Variants in MYOF observed in about 807,000 individuals in gnomAD.
MYOF encodes myoferlin, also known as fer-1-like 3, myoferlin.
MYOF carries 244 observed loss-of-function variants against 284.2 expected under a neutral mutation model. The observed-to-expected ratio is 0.86, with a 90% CI of 0.77 to 0.95. MYOF has a LOEUF of 0.95. Among genes scored for constraint, MYOF ranks in the 40% least tolerant of loss-of-function variants. MYOF has a pLI of 0.00. For synonymous variants in MYOF, 904 were observed against 919.7 expected (o/e 0.98, Z 0.31); for missense variants, 2,496 against 2,560.6 (o/e 0.97, Z 0.54).
intron 17 of MYOF, among the ~76,000 whole-genome samples, chr10:93,390,777 T>C (rs1055070505): frequency 1.3e-5 from 2 of 151,754 alleles, no homozygotes; most frequent in African/African-American, 4.8e-5. Context: ...GAAAAGGAAG[T>C]TATTTTTAGA....
At position 93,351,406 on chromosome 10, in the gene MYOF, A is replaced by G. The variant is rs55993578; in HGVS notation, c.3822+7T>C. 3,385 of 1,613,936 alleles carry G rather than the reference A, an allele frequency of 2.1e-3. 58 individuals are homozygous for G. The African/African-American group carries it at 0.031, about 15-fold the overall frequency. ...CAGAATACATGAGGAAGAACACAGCAATGTACCTTGCCCCTCAGAATCAGC... is the reference window on the plus strand; with the variant it reads ...CAGAATACATGAGGAAGAACACAGCGATGTACCTTGCCCCTCAGAATCAGC... On this transcript the variant is annotated splice_region_variant and intron_variant, in intron 34 of 53. Transcript: ENST00000359263.
At chr10:93,349,002 C>T (rs116238757) in intron 36 of MYOF, among the ~76,000 whole-genome samples, 65 of 152,204 alleles carry the variant, frequency 4.3e-4, no homozygotes, top group African/African-American at 1.3e-3. Flanking sequence ...GGTTAAAGCA[C>T]GTGACCCTAG....
intron 20 of MYOF, 31 bp downstream of exon 20, chr10:93,381,188 G>A (rs775189427): frequency 1.6e-5 from 25 of 1,611,518 alleles, no homozygotes; most frequent in South Asian, 5.5e-5. Flanking sequence ...CATTGTAAAC[G>A]TGTGGAGAGA....
chr10:93,452,543 T>C (rs1435414708), intron 2 of MYOF, among the ~76,000 whole-genome samples: 1 of 108,894 alleles, frequency 9.2e-6, no homozygotes, highest in African/African-American at 3.7e-5. Context: ...CATCACACAC[T>C]GGGGCCCGTT....
Position 93,306,718 on chromosome 10 carries a change from T to C in MYOF, c.*245A>G. On this transcript the variant is annotated 3_prime_UTR_variant, in exon 54 of 54. Coordinates refer to ENST00000359263, the MANE Select transcript of MYOF (RefSeq NM_013451.4). ...GAACCAGCCACCTTGAAAAATATTT[T>C]GAAAAACATGATTTAAACTTTAGAA... is the stretch of plus-strand genomic sequence containing the variant. 6.5e-6 allele frequency: 3 copies of C among 459,042 alleles called. No homozygotes were observed. Among genetic ancestry groups the C allele is most frequent in the Non-Finnish European group, 7.6e-6 (2 of 263,282 alleles). The allele number at this position is 459,042 out of a possible 1,614,324, so 28.4% of individuals were successfully genotyped here. A position where few individuals can be genotyped will look rare whatever the true frequency, so the allele number is the denominator to read the frequency against.
intron 19 of MYOF, among the ~76,000 whole-genome samples, chr10:93,382,508 T>C (rs1219790120): frequency 6.6e-6 from 1 of 152,190 alleles, no homozygotes; most frequent in Non-Finnish European, 1.5e-5. Context: ...AAATTAAACC[T>C]TCCTTTTTCT....
chr10:93,450,351 C>T (rs811511), intron 3 of MYOF, among the ~76,000 whole-genome samples: 57,134 of 152,070 alleles, frequency 0.38, 12,815 homozygotes, highest in Non-Finnish European at 0.5. Context: ...GAGATCGTGC[C>T]ACTGCACTCC....
At chr10:93,406,317 T>TATATATATATATATA (rs1554855587) in intron 7 of MYOF, among the ~76,000 whole-genome samples, 37 of 120,362 alleles carry the variant, frequency 3.1e-4, no homozygotes, top group East Asian at 6.4e-4. Flanking sequence ...TATATATATA[T>TATATATATATATATA]TTGTTTTTAT....
At chr10:93,454,987 T>TAA (rs56013436) in intron 2 of MYOF, among the ~76,000 whole-genome samples, 13,985 of 57,630 alleles carry the variant, frequency 0.24, 1,778 homozygotes, top group East Asian at 0.34. Context: ...TTTTTTTAAT[T>TAA]AAAAAAAAAA....
chr10:93,455,537 C>T (rs1458445952), intron 2 of MYOF, among the ~76,000 whole-genome samples: 3 of 151,406 alleles, frequency 2.0e-5, no homozygotes, highest in Non-Finnish European at 1.5e-5. Flanking sequence ...GTGTGGTGCA[C>T]GCTTGTGGTC....
chr10:93,323,275 G>T lies in MYOF; in HGVS notation c.5355C>A (p.Ala1785=). The change falls in exon 47 of 54, where the codon GCC becomes GCA. Residue 1785 remains alanine, a synonymous_variant. Transcript: ENST00000359263. ...GPPFNITPRK[A]KKYYLRVIIW... The stretch of plus-strand genomic sequence containing the variant: ...TCTCAGGATGACTGACTTACTTCTT[G>T]GCTTTCCGGGGTGTGATGTTGAAAG... The T allele has an allele frequency of 6.2e-7, 1 of 1,614,102 alleles. No individual in the cohort carries two copies. The highest frequency in any genetic ancestry group is 8.5e-7 in the Non-Finnish European group (1 of 1,179,970).
intron 37 of MYOF, among the ~76,000 whole-genome samples, chr10:93,344,661 A>G (rs1408033): frequency 0.24 from 36,362 of 150,030 alleles, 6,070 homozygotes; most frequent in East Asian, 0.89. Context: ...CAGCAAACCA[A>G]CATGGCACGT....
chr10:93,367,721 T>C (rs561033363), intron 25 of MYOF, among the ~76,000 whole-genome samples: 26 of 151,968 alleles, frequency 1.7e-4, no homozygotes, highest in African/African-American at 6.3e-4. Context: ...TTGAGGGCTG[T>C]GGCTTTAGTC....
rs1293448844 is a variant in MYOF, at chr10:93,366,075, A to G, written c.2753+317T>C. On this transcript the variant is annotated intron_variant, in intron 26 of 53. Coordinates refer to ENST00000359263, the MANE Select transcript of MYOF (RefSeq NM_013451.4). ...CTTGTTCGCTTGCAAGTAGGGTCAA[A>G]TCTCAGATCCTTCTTGCCACTGCCT... 3.3e-5 allele frequency among the ~76,000 whole-genome samples: 5 copies of G among 152,222 alleles called. No homozygotes were observed. The East Asian group carries it at 9.6e-4, about 29-fold the overall frequency.
chr10:93,321,968 G>A (rs116015311), intron 48 of MYOF, among the ~76,000 whole-genome samples: 2,242 of 149,176 alleles, frequency 0.015, 50 homozygotes, highest in African/African-American at 0.052. Flanking sequence ...TTTTCTCTCC[G>A]TTCAGAATTA....
chr10:93,384,785 G>A (rs1015286033), intron 19 of MYOF, among the ~76,000 whole-genome samples: 2 of 152,190 alleles, frequency 1.3e-5, no homozygotes, highest in Admixed American at 6.5e-5. Context: ...TTCAGCAGTC[G>A]ATTTGCAAAA....
chr10:93,345,683 C>T (rs1053943604), intron 37 of MYOF, among the ~76,000 whole-genome samples: 1 of 152,222 alleles, frequency 6.6e-6, no homozygotes, highest in African/African-American at 2.4e-5. Context: ...TTCTCCACTT[C>T]ACCCTCCTCA....
intron 37 of MYOF, among the ~76,000 whole-genome samples, chr10:93,347,142 G>A (rs1844222271): frequency 6.6e-6 from 1 of 152,190 alleles, no homozygotes; most frequent in Non-Finnish European, 1.5e-5. Context: ...TAGAACCTTA[G>A]GAAAGTGCCA....
chr10:93,329,703 C>T lies in MYOF; in HGVS notation c.4943G>A (p.Arg1648His), dbSNP rs374348145. Residue 1648 changes from arginine (R) to histidine (H), a missense_variant, in exon 44 of 54, where the codon CGC becomes CAC. By Grantham distance (29) the Arg-to-His change is conservative. Coordinates refer to ENST00000359263, the MANE Select transcript of MYOF (RefSeq NM_013451.4). ...TGGTATGCCGCAGTGGGACCCAAAG[C>T]GGGAAAGGAATCGGTTTTCCAGATC... Reference protein sequence around the residue: ...IIDLENRFLSRFGSHCGIPEE... With the variant: ...IIDLENRFLSHFGSHCGIPEE... The T allele has an allele frequency of 3.9e-5, 63 of 1,614,014 alleles. No individual in the cohort carries two copies. The Admixed American group carries it at 5.3e-4, about 14-fold the overall frequency.
Sources: allele counts gnomAD v4.1 joint callset (sites outside exome capture counted in the v4.1 genomes callset), GRCh38; gene constraint gnomAD v4.1.1; transcripts MANE v1.5; gene names NCBI Gene and HGNC (gene_info 2026-07-23, HGNC 2026-07-21).